MAP2K4: variants seen among roughly 807,000 people sequenced by gnomAD.
MAP2K4 encodes mitogen-activated protein kinase kinase 4, also known as dual specificity mitogen-activated protein kinase kinase 4.
A neutral mutation model predicts 48.5 loss-of-function variants in MAP2K4; 4 were observed. The observed-to-expected ratio is 0.08, with a 90% CI of 0.04 to 0.19. The LOEUF (loss-of-function observed/expected upper bound fraction) is 0.19. MAP2K4 is among the 10% of genes least tolerant of loss of function. The probability of loss-of-function intolerance (pLI) is 1.00; values close to 1 mark genes in which losing one functional copy is unlikely to be tolerated. For missense variants in MAP2K4, 258 were observed against 493.3 expected, an observed-to-expected ratio of 0.52 and a Z score of 4.52; for synonymous variants, 166 against 173.1, an observed-to-expected ratio of 0.96 and a Z score of 0.32.
rs532604727 is a variant in MAP2K4 at position 12,098,371 on chromosome 17, G to A, written c.513+2677G>A. 9.9e-5 allele frequency among the ~76,000 whole-genome samples: 15 copies of A among 151,950 alleles called. No individual in the cohort carries two copies. The South Asian group carries it at 3.1e-3, about 32-fold the overall frequency. On this transcript the variant is annotated intron_variant, in intron 4 of 10. Coordinates refer to ENST00000353533, the MANE Select transcript of MAP2K4 (RefSeq NM_003010.4). ...CACATGCCTGTAGTCCCGGCTACTT[G>A]GGAGGCTGAGGCAGAAGAATCGCTT...
chr17:12,069,720 TGACA>T, intron 2 of MAP2K4: 1 of 1,062,902 alleles, frequency 9.4e-7, no homozygotes, highest in Non-Finnish European at 1.1e-6. Flanking sequence ...CCATGGTAAC[TGACA>T]GACCGAGTTT....
chr17:12,025,067 T>G (rs1969214084), intron 1 of MAP2K4, among the ~76,000 whole-genome samples: 1 of 152,242 alleles, frequency 6.6e-6, no homozygotes, highest in South Asian at 2.1e-4. Context: ...GCAGGATGAT[T>G]CCTTTTCCAG....
intron 7 of MAP2K4, among the ~76,000 whole-genome samples, chr17:12,114,143 T>C (rs1177225618): frequency 6.6e-6 from 1 of 152,206 alleles, no homozygotes; most frequent in Non-Finnish European, 1.5e-5. Context: ...AAACTAAAGA[T>C]AAGCTTAGAA....
At chr17:12,058,118 A>G (rs1281240617) in intron 2 of MAP2K4, among the ~76,000 whole-genome samples, 1 of 151,766 alleles carries the variant, frequency 6.6e-6, no homozygotes, top group African/African-American at 2.4e-5. Flanking sequence ...GCCAAAATTC[A>G]CCTTAGGAAG....
rs78561073 is a variant in MAP2K4, at chr17:12,136,872, T to C, written c.1041-2967T>C. On this transcript the variant is annotated intron_variant, in intron 9 of 10. Transcript: ENST00000353533. ...CTGACAGAATGCTGTGTAGATCTGA[T>C]GCCATGGACTTGCTGTATTCCAGGT... is the stretch of plus-strand genomic sequence containing the variant. 9.2e-3 allele frequency among the ~76,000 whole-genome samples: 947 copies of C among 103,402 alleles called. 2 individuals are homozygous for C. Among genetic ancestry groups the C allele is most frequent in the East Asian group, 0.051 (187 of 3,660 alleles). 67.8% of individuals were successfully genotyped at this position (103,402 alleles called of 152,430 possible).
chr17:12,095,895 T>TTGTG (rs71947375), intron 4 of MAP2K4, among the ~76,000 whole-genome samples: 19,814 of 147,230 alleles, frequency 0.13, 1,347 homozygotes, highest in South Asian at 0.22. Context: ...ACACGTGTGT[T>TTGTG]TGTGTGTGTG....
rs74937718 is a variant in MAP2K4, at chr17:12,138,748, A to G, written c.1041-1091A>G. Among the ~76,000 whole-genome samples, 390 of 152,286 alleles carry G rather than the reference A, an allele frequency of 2.6e-3. 3 individuals carry two copies. Among genetic ancestry groups the G allele is most frequent in the African/African-American group, 8.9e-3 (371 of 41,572 alleles). ...TGACTAGGTAGTGATCTTGGGATCA[A>G]CACTACCAATGAGAAGGAAACGAGA... On this transcript the variant is annotated intron_variant, in intron 9 of 10. Coordinates refer to ENST00000353533, the MANE Select transcript of MAP2K4 (RefSeq NM_003010.4).
At chr17:12,030,656 TA>T (rs955701599) in intron 1 of MAP2K4, among the ~76,000 whole-genome samples, 80 of 152,304 alleles carry the variant, frequency 5.3e-4, no homozygotes, top group African/African-American at 1.8e-3. Flanking sequence ...TAACTTTTTT[TA>T]ACACAACCTT....
intron 8 of MAP2K4, among the ~76,000 whole-genome samples, chr17:12,128,202 T>TG (rs1179710077): frequency 6.6e-6 from 1 of 152,104 alleles, no homozygotes; most frequent in Non-Finnish European, 1.5e-5. Flanking sequence ...CTCAGCCTCC[T>TG]GAATAGCTGG....
chr17:12,060,730 T>TGG (rs750518685), intron 2 of MAP2K4, among the ~76,000 whole-genome samples: 148 of 117,336 alleles, frequency 1.3e-3, no homozygotes, highest in Non-Finnish European at 2.6e-3. Flanking sequence ...TACTATGGGG[T>TGG]GTGTGTGTGT....
At chr17:12,046,404 A>C (rs1417621061) in intron 1 of MAP2K4, among the ~76,000 whole-genome samples, 2 of 152,202 alleles carry the variant, frequency 1.3e-5, no homozygotes, top group Non-Finnish European at 2.9e-5. Context: ...CAACATTTTA[A>C]ACTACAGTAG....
At chr17:12,114,672 G>A (rs28923228) in intron 7 of MAP2K4, among the ~76,000 whole-genome samples, 2,080 of 152,098 alleles carry the variant, frequency 0.014, 15 homozygotes, top group East Asian at 0.046. Context: ...GGCTTGTCTC[G>A]ATACTAACAG....
chr17:12,056,646 T>C (rs946039360), intron 2 of MAP2K4, among the ~76,000 whole-genome samples: 7 of 152,074 alleles, frequency 4.6e-5, no homozygotes, highest in African/African-American at 1.7e-4. Flanking sequence ...ATTGTACAGG[T>C]CAATTGTTCT....
At chr17:12,041,249 AAAG>A (rs1391042654) in intron 1 of MAP2K4, among the ~76,000 whole-genome samples, 4 of 152,256 alleles carry the variant, frequency 2.6e-5, no homozygotes, top group South Asian at 4.1e-4. Flanking sequence ...ATGAGGGTCA[AAAG>A]AAGCCATTTG....
chr17:12,104,202 A>C (rs1331003328), intron 4 of MAP2K4, among the ~76,000 whole-genome samples: 1 of 152,198 alleles, frequency 6.6e-6, no homozygotes, highest in African/African-American at 2.4e-5. Flanking sequence ...CTCATGATCC[A>C]CATTGGCTCC....
chr17:12,127,962 T>C (rs758974671), intron 8 of MAP2K4, among the ~76,000 whole-genome samples: 1 of 152,244 alleles, frequency 6.6e-6, no homozygotes, highest in Admixed American at 6.5e-5. Context: ...CTCTGTAATA[T>C]GTTTGGAGCC....
intron 1 of MAP2K4, 111 bp downstream of exon 1, chr17:12,021,112 G>GCCGGCTTCTCCCT: frequency 1.7e-6 from 1 of 574,552 alleles, no homozygotes; most frequent in Non-Finnish European, 2.5e-6. Flanking sequence ...CACGGCAGCC[G>GCCGGCTTCTCCCT]CCGGCTTCTC....
chr17:12,092,154 G>A (rs956073786), intron 3 of MAP2K4, among the ~76,000 whole-genome samples: 3 of 151,752 alleles, frequency 2.0e-5, no homozygotes, highest in African/African-American at 7.3e-5. Flanking sequence ...TTACTGCCAG[G>A]GAAAAAAAGG....
intron 7 of MAP2K4, among the ~76,000 whole-genome samples, chr17:12,121,748 C>T (rs1972700431): frequency 6.6e-6 from 1 of 152,150 alleles, no homozygotes; most frequent in Non-Finnish European, 1.5e-5. Flanking sequence ...TAGATTCAGA[C>T]TACAACTATT....
Sources: gnomAD v4.1 joint callset for allele counts (sites outside exome capture counted in the v4.1 genomes callset) on GRCh38, gnomAD v4.1.1 for gene constraint, MANE v1.5 for transcripts, NCBI Gene and HGNC (gene_info 2026-07-23, HGNC 2026-07-21) for gene names.